The following VEPH1 variants were observed in gnomAD, a reference collection of about 807,000 sequenced individuals.
VEPH1 encodes the protein ventricular zone-expressed PH domain-containing protein homolog 1.
Under a neutral mutation model 85.2 loss-of-function variants are expected in VEPH1, and 80 were observed. The ratio of observed to expected loss-of-function variants is 0.94; its 90% confidence interval spans 0.78 to 1.13. VEPH1 has a LOEUF of 1.13. Among genes scored for constraint, VEPH1 ranks in the 50% most tolerant of loss-of-function variants. VEPH1 has a pLI of 0.00. For synonymous variants in VEPH1, 297 were observed against 348.0 expected (o/e 0.85, Z 1.63); for missense variants, 955 against 980.5 (o/e 0.97, Z 0.35).
chr3:157,287,516 T>G (rs1716929523), intron 11 of VEPH1, among the ~76,000 whole-genome samples: 1 of 152,148 alleles, frequency 6.6e-6, no homozygotes, highest in Non-Finnish European at 1.5e-5. Context: ...GTATGCAAAT[T>G]TTGCATTCTA....
intron 13 of VEPH1, among the ~76,000 whole-genome samples, chr3:157,264,259 C>A (rs1713306975): frequency 6.6e-6 from 1 of 152,232 alleles, no homozygotes. Context: ...AGCTCACTGC[C>A]ATACCCAGGT....
At chr3:157,394,983 T>C (rs1301986943) in intron 6 of VEPH1, among the ~76,000 whole-genome samples, 1 of 152,112 alleles carries the variant, frequency 6.6e-6, no homozygotes, top group African/African-American at 2.4e-5. Context: ...TATTGTCACC[T>C]GGTTGGCATT....
At chr3:157,358,430 T>C (rs1725678157) in intron 9 of VEPH1, among the ~76,000 whole-genome samples, 1 of 152,236 alleles carries the variant, frequency 6.6e-6, no homozygotes, top group African/African-American at 2.4e-5. Flanking sequence ...GAAAAAGATT[T>C]AAAATTCTTC....
intron 9 of VEPH1, among the ~76,000 whole-genome samples, chr3:157,348,144 T>C (rs1334886812): frequency 6.6e-6 from 1 of 152,116 alleles, no homozygotes; most frequent in Non-Finnish European, 1.5e-5. Flanking sequence ...AGTGTGGCAA[T>C]CCCGTTCATG....
rs558565996 is a variant in VEPH1 at position 157,347,788 on chromosome 3, A to G, written c.1735+15576T>C. ...CACCAAAACACCTACAGTCCTCACT[A>G]CTGGAGAATCCTACAGTCCTCTCAA... On this transcript the variant is annotated intron_variant, in intron 9 of 13. Coordinates refer to ENST00000362010, the MANE Select transcript of VEPH1 (RefSeq NM_001167912.2). Among the ~76,000 whole-genome samples, 6 of 152,332 alleles carry G rather than the reference A, an allele frequency of 3.9e-5. No individual in the cohort carries two copies. In the South Asian group the frequency reaches 8.3e-4, roughly 21 times the overall value.
intron 4 of VEPH1, among the ~76,000 whole-genome samples, chr3:157,444,842 A>G (rs1560068071): frequency 3.3e-5 from 5 of 152,208 alleles, no homozygotes. Flanking sequence ...ATAAAATAAT[A>G]CTTGGGTTAA....
chr3:157,461,956 T>C (rs1260491882), intron 3 of VEPH1, among the ~76,000 whole-genome samples: 2 of 151,512 alleles, frequency 1.3e-5, no homozygotes, highest in Non-Finnish European at 2.9e-5. Context: ...AGAGATATCA[T>C]TTAAAAAGTG....
intron 6 of VEPH1, among the ~76,000 whole-genome samples, chr3:157,408,802 C>T (rs935542900): frequency 7.2e-5 from 11 of 152,122 alleles, no homozygotes; most frequent in African/African-American, 2.4e-4. Context: ...AAGGTCTCAA[C>T]GTATGTCAGA....
chr3:157,393,748 C>T (rs1730107061), intron 6 of VEPH1, among the ~76,000 whole-genome samples: 1 of 152,170 alleles, frequency 6.6e-6, no homozygotes, highest in Admixed American at 6.5e-5. Context: ...CTTCATACTT[C>T]CCTTGCAGAG....
At chr3:157,386,547 T>C (rs1729325157) in intron 6 of VEPH1, among the ~76,000 whole-genome samples, 3 of 152,076 alleles carry the variant, frequency 2.0e-5, no homozygotes, top group Admixed American at 2.0e-4. Context: ...CAGAGGGCAT[T>C]TGGAGAATGT....
At chr3:157,376,281 T>C (rs1389070426) in intron 7 of VEPH1, among the ~76,000 whole-genome samples, 1 of 152,190 alleles carries the variant, frequency 6.6e-6, no homozygotes, top group Non-Finnish European at 1.5e-5. Flanking sequence ...TGCCTGATTA[T>C]AGCAGCCTCC....
chr3:157,415,417 A>T (rs1731835928), intron 5 of VEPH1: 1 of 152,178 alleles, frequency 6.6e-6, no homozygotes. Context: ...TCTGTGAAAG[A>T]CTGTCCTAGG....
intron 9 of VEPH1, among the ~76,000 whole-genome samples, chr3:157,342,166 C>T (rs1282794374): frequency 6.6e-6 from 1 of 152,194 alleles, no homozygotes; most frequent in Non-Finnish European, 1.5e-5. Context: ...ATCAAATTCA[C>T]ACATAACAAT....
At chr3:157,371,762 T>A (rs1324912705) in intron 7 of VEPH1, among the ~76,000 whole-genome samples, 1 of 152,112 alleles carries the variant, frequency 6.6e-6, no homozygotes, top group East Asian at 1.9e-4. Context: ...TTATTTGGAG[T>A]TGGTAGGCTT....
In VEPH1 at chr3:157,480,038, T is replaced by TC. The variant is rs1553796367; in HGVS notation, c.139-9510_139-9509insG. 1.7e-4 allele frequency among the ~76,000 whole-genome samples: 25 copies of TC among 151,170 alleles called. 1 individual carries two copies. The highest frequency in any genetic ancestry group is 6.3e-4 in the South Asian group (3 of 4,794). ...TTCTTTTCTCTTTCTTTCATTCTTT[T>TC]TTTCTTTCTTTCTTTCCTTTTTCTT... is the stretch of plus-strand genomic sequence containing the variant. On this transcript the variant is annotated intron_variant, in intron 2 of 13. Transcript: ENST00000362010.
chr3:157,282,455 C>T (rs1206870230), intron 12 of VEPH1, among the ~76,000 whole-genome samples: 1 of 152,164 alleles, frequency 6.6e-6, no homozygotes, highest in Non-Finnish European at 1.5e-5. Flanking sequence ...AAAATTGTTC[C>T]ATTTTCTTTT....
At chr3:157,497,379 G>C (rs962119100) in intron 1 of VEPH1, among the ~76,000 whole-genome samples, 1 of 152,290 alleles carries the variant, frequency 6.6e-6, no homozygotes, top group South Asian at 2.1e-4. Flanking sequence ...CTTTCAGAGG[G>C]AGGTGGAGCA....
At chr3:157,461,434 TGACA>T (rs1735863631) in intron 3 of VEPH1, among the ~76,000 whole-genome samples, 1 of 152,236 alleles carries the variant, frequency 6.6e-6, no homozygotes, top group Non-Finnish European at 1.5e-5. Flanking sequence ...CATTATTTGA[TGACA>T]GACAAAGTTC....
intron 11 of VEPH1, among the ~76,000 whole-genome samples, chr3:157,294,774 A>C (rs1359917448): frequency 6.6e-6 from 1 of 152,180 alleles, no homozygotes; most frequent in Non-Finnish European, 1.5e-5. Context: ...TTTTACTGAA[A>C]CTTGGGACCT....
Sources: gnomAD v4.1 joint callset for allele counts (sites outside exome capture counted in the v4.1 genomes callset) on GRCh38, gnomAD v4.1.1 for gene constraint, MANE v1.5 for transcripts, NCBI Gene and HGNC (gene_info 2026-07-23, HGNC 2026-07-21) for gene names.